TJP2: variants seen among roughly 807,000 people sequenced by gnomAD.
TJP2 encodes the protein tight junction protein 2.
In TJP2, 91 loss-of-function variants were observed where a neutral mutation model predicts 133.1. The observed-to-expected ratio is 0.68, with a 90% confidence interval of 0.58 to 0.81. The LOEUF (loss-of-function observed/expected upper bound fraction) is 0.81. Among genes scored for constraint, TJP2 ranks in the 40% least tolerant of loss-of-function variants. The pLI, the probability that TJP2 is intolerant of heterozygous loss-of-function variation, is 0.00. For synonymous variants in TJP2, 592 were observed against 583.4 expected (o/e 1.01, Z -0.21); for missense variants, 1,541 against 1,565.6 (o/e 0.98, Z 0.26).
Position 69,124,044 on chromosome 9 carries a change from A to T in TJP2, c.-131+2319A>T, listed in dbSNP as rs143899874. 5.5e-3 allele frequency among the ~76,000 whole-genome samples: 370 copies of T among 67,864 alleles called. 144 individuals carry two copies. The highest frequency in any genetic ancestry group is 0.038 in the Middle Eastern group (4 of 106). The allele number at this position is 67,864 out of a possible 152,430, so 44.5% of individuals were successfully genotyped here. On this transcript the variant is annotated intron_variant, in intron 1 of 5. Transcript: ENST00000423935. ...CACCACGCCCGGCTAATTTTTTTGA[A>T]TTTTTTTTCTTTTTTTTAGTAGAGA...
At chr9:69,130,330 G>T (rs527816616) in intron 1 of TJP2, among the ~76,000 whole-genome samples, 9 of 152,154 alleles carry the variant, frequency 5.9e-5, no homozygotes, top group Non-Finnish European at 1.3e-4. Flanking sequence ...TTTAGAAAAA[G>T]AAAACTTCCA....
intron 1 of TJP2, among the ~76,000 whole-genome samples, chr9:69,176,178 A>G (rs1015219083): frequency 5.9e-5 from 9 of 152,222 alleles, no homozygotes; most frequent in African/African-American, 2.2e-4. Flanking sequence ...CTTGCTGGGA[A>G]TAAAGGGCAT....
chr9:69,242,059 A>C (rs1324294655), intron 17 of TJP2, among the ~76,000 whole-genome samples: 1 of 152,218 alleles, frequency 6.6e-6, no homozygotes, highest in African/African-American at 2.4e-5. Context: ...GTGAGGATGT[A>C]GGAAATCGGG....
intron 17 of TJP2, among the ~76,000 whole-genome samples, chr9:69,243,903 C>T (rs1588146532): frequency 7.4e-6 from 1 of 135,008 alleles, no homozygotes; most frequent in Non-Finnish European, 1.6e-5. Flanking sequence ...TATAGTTCAG[C>T]TGGGCATGGT....
At chr9:69,169,743 A>G (rs1824576533), upstream of TJP2, among the ~76,000 whole-genome samples, 2 of 152,166 alleles carry the variant, frequency 1.3e-5, no homozygotes, top group South Asian at 2.1e-4. Flanking sequence ...ATACATATAT[A>G]TATATACACA....
intron 1 of TJP2, among the ~76,000 whole-genome samples, chr9:69,144,484 C>T (rs1465037407): frequency 1.3e-5 from 2 of 151,878 alleles, no homozygotes; most frequent in African/African-American, 4.8e-5. Flanking sequence ...TTGTATGTTG[C>T]CATAGCACAT....
At position 69,227,880 on chromosome 9, in the gene TJP2, T is replaced by C. The variant is rs1189500396; in HGVS notation, c.1319+7T>C. ...AGCTGAAGGAAAGGCCAAGGTAAGA[T>C]GACATGAATATTCTCTTGTACATGT... On this transcript the variant is annotated splice_region_variant and intron_variant, in intron 8 of 22. Coordinates refer to ENST00000377245, the MANE Select transcript of TJP2 (RefSeq NM_004817.4). The C allele has an allele frequency of 1.2e-6, 2 of 1,613,108 alleles. No homozygotes were observed. Among genetic ancestry groups the C allele is most frequent in the East Asian group, 4.5e-5 (2 of 44,890 alleles).
chr9:69,233,554 C>A (rs968577407), intron 11 of TJP2, among the ~76,000 whole-genome samples: 2 of 152,202 alleles, frequency 1.3e-5, no homozygotes, highest in Non-Finnish European at 2.9e-5. Context: ...GGGCGGATCA[C>A]CTGAGGTCAA....
chr9:69,181,741 T>G (rs756310699), intron 1 of TJP2, among the ~76,000 whole-genome samples: 17 of 152,206 alleles, frequency 1.1e-4, no homozygotes, highest in South Asian at 2.1e-4. Flanking sequence ...TTGCTTGCTT[T>G]CTTTTTTTTT....
At chr9:69,131,517 G>A (rs544953666) in intron 1 of TJP2, among the ~76,000 whole-genome samples, 1 of 152,178 alleles carries the variant, frequency 6.6e-6, no homozygotes, top group Admixed American at 6.6e-5. Context: ...TCCTCATTGC[G>A]TCTGAGGATG....
At chr9:69,129,490 A>G (rs1822393616) in intron 1 of TJP2, among the ~76,000 whole-genome samples, 1 of 152,162 alleles carries the variant, frequency 6.6e-6, no homozygotes, top group South Asian at 2.1e-4. Context: ...CACCTGGGCA[A>G]CAGAACAAGA....
intron 1 of TJP2, among the ~76,000 whole-genome samples, chr9:69,147,681 CCCTAAATAGA>C (rs938248851): frequency 1.3e-5 from 2 of 152,108 alleles, no homozygotes; most frequent in African/African-American, 4.8e-5. Flanking sequence ...GGAATAAGTA[CCCTAAATAGA>C]CCTAAATAGA....
In TJP2 at chr9:69,254,194, C is replaced by T. The variant is rs201536384; in HGVS notation, c.3408-15C>T. The T allele has an allele frequency of 5.6e-6, 9 of 1,614,066 alleles. No individual in the cohort carries two copies. In the East Asian group the frequency reaches 1.6e-4, roughly 28 times the overall value. ...GATGTGCTCTGGAATGTCTTTAACA[C>T]CCTTTTTTTGTTAGTTCCAGACCCC... On this transcript the variant is annotated splice_polypyrimidine_tract_variant and intron_variant, in intron 22 of 22. Coordinates refer to ENST00000377245, the MANE Select transcript of TJP2 (RefSeq NM_004817.4).
upstream of TJP2, chr9:69,174,198 G>C (rs1228605981): frequency 2.1e-6 from 3 of 1,396,008 alleles, no homozygotes; most frequent in African/African-American, 1.5e-5. Context: ...GGGGCGGGCT[G>C]ACGCCGCCGC....
At chr9:69,208,211 CCCTT>C (rs1193489038) in intron 1 of TJP2, among the ~76,000 whole-genome samples, 5 of 152,156 alleles carry the variant, frequency 3.3e-5, no homozygotes, top group Non-Finnish European at 5.9e-5. Flanking sequence ...TGCTCTAGTT[CCCTT>C]CCTTTACAAT....
At chr9:69,248,590 G>C (rs2133470842) in intron 19 of TJP2, 1 of 1,175,646 alleles carries the variant, frequency 8.5e-7, no homozygotes, top group South Asian at 4.3e-5. Context: ...TGTACTCTTA[G>C]ATGTCCTTGC....
At chr9:69,153,069 AAATAAT>A (rs1056430637) in intron 2 of TJP2, among the ~76,000 whole-genome samples, 3 of 151,600 alleles carry the variant, frequency 2.0e-5, no homozygotes, top group South Asian at 2.1e-4. Flanking sequence ...ATTTAAAAAA[AAATAAT>A]AATAATAATT....
intron 4 of TJP2, among the ~76,000 whole-genome samples, chr9:69,218,806 A>G (rs1419620370): frequency 6.6e-6 from 1 of 152,202 alleles, no homozygotes; most frequent in Non-Finnish European, 1.5e-5. Context: ...CTGAGAATCA[A>G]CTGTGAGCTG....
At chr9:69,204,168 C>A (rs1827217771) in intron 1 of TJP2, among the ~76,000 whole-genome samples, 1 of 152,218 alleles carries the variant, frequency 6.6e-6, no homozygotes, top group Admixed American at 6.5e-5. Context: ...AAGGATCTCA[C>A]TCCAGATCTT....
Sources: allele counts gnomAD v4.1 joint callset (sites outside exome capture counted in the v4.1 genomes callset), GRCh38; gene constraint gnomAD v4.1.1; transcripts MANE v1.5; gene names NCBI Gene and HGNC (gene_info 2026-07-23, HGNC 2026-07-21).